TIA1: variants seen among roughly 807,000 people sequenced by gnomAD.
The protein encoded by TIA1 is cytotoxic granule associated RNA binding protein TIA1.
Under a neutral mutation model 65.9 loss-of-function variants are expected in TIA1, and 23 were observed. The observed-to-expected ratio is 0.35, with a 90% confidence interval of 0.25 to 0.49. TIA1 has a LOEUF of 0.49. Among genes scored for constraint, TIA1 ranks in the 20% least tolerant of loss-of-function variants. The pLI is 0.98. For missense variants in TIA1, 371 were observed against 477.9 expected (o/e 0.78, Z 2.09); for synonymous variants, 147 against 149.4 (o/e 0.98, Z 0.12).
rs145663932 is a variant in TIA1, at chr2:70,235,541, A to AGTGTGTGTGTGTGTGTGTGT, written c.123+518_123+537dup. Among the ~76,000 whole-genome samples the AGTGTGTGTGTGTGTGTGTGT allele has an allele frequency of 1.7e-3, 247 of 147,312 alleles. 2 individuals carry two copies. Among genetic ancestry groups the AGTGTGTGTGTGTGTGTGTGT allele is most frequent in the African/African-American group, 6.0e-3 (239 of 40,076 alleles). On this transcript the variant is annotated intron_variant, in intron 2 of 12. Transcript: ENST00000433529. Reference sequence around the variant, plus strand: ...AGGGTTAACACCAATTAGATGAATGAGTGTGTGTGTGTGTGTGTGTGTGTG... The same window carrying AGTGTGTGTGTGTGTGTGTGT: ...AGGGTTAACACCAATTAGATGAATGAGTGTGTGTGTGTGTGTGTGTGTGTGTGTGTGTGTGTGTGTGTGTG...
chr2:70,230,590 T>G (rs1685806288), intron 3 of TIA1, among the ~76,000 whole-genome samples, 166 bp downstream of exon 3: 1 of 149,630 alleles, frequency 6.7e-6, no homozygotes. Flanking sequence ...AGGCAGAGGT[T>G]GCAGTGAGCC....
intron 1 of TIA1, 85 bp downstream of exon 1, chr2:70,248,320 C>A: frequency 6.7e-7 from 1 of 1,482,726 alleles, no homozygotes; most frequent in Non-Finnish European, 9.1e-7. Flanking sequence ...CCACGGAGAA[C>A]AATAGGCTGG....
chr2:70,238,948 G>C (rs1690426476), intron 1 of TIA1, among the ~76,000 whole-genome samples: 1 of 152,070 alleles, frequency 6.6e-6, no homozygotes. Flanking sequence ...CCCATGGCAT[G>C]GTCCCAGCTA....
At chr2:70,232,761 C>T (rs766373957) in intron 2 of TIA1, among the ~76,000 whole-genome samples, 2 of 150,924 alleles carry the variant, frequency 1.3e-5, no homozygotes, top group South Asian at 2.1e-4. Context: ...CCCATCTACT[C>T]GGGAGGCTGA....
rs776233750 is a variant in TIA1 at position 70,211,418 on chromosome 2, A to AG, written c.*1300dup. 3.4e-4 allele frequency: 50 copies of AG among 148,428 alleles called. No homozygotes were observed. Among genetic ancestry groups the AG allele is most frequent in the African/African-American group, 1.1e-3 (46 of 40,588 alleles). The allele number at this position is 148,428 out of a possible 1,614,324, so 9.2% of individuals were successfully genotyped here. On this transcript the variant is annotated 3_prime_UTR_variant, in exon 13 of 13. Coordinates refer to ENST00000433529, the MANE Select transcript of TIA1 (RefSeq NM_022173.4). ...GGCTGTTTAAAGAGGTAGGATTTTA[A>AG]GGTTTTTTTTTTGTTTATCTTTTGG... is the stretch of plus-strand genomic sequence containing the variant.
intron 7 of TIA1, among the ~76,000 whole-genome samples, chr2:70,222,414 T>C (rs1681856735): frequency 6.6e-6 from 1 of 152,190 alleles, no homozygotes; most frequent in South Asian, 2.1e-4. Flanking sequence ...TCAGTTTTTT[T>C]CCAGGAACAT....
intron 1 of TIA1, among the ~76,000 whole-genome samples, chr2:70,244,076 C>G (rs974717193): frequency 3.3e-5 from 5 of 152,122 alleles, no homozygotes; most frequent in Non-Finnish European, 5.9e-5. Context: ...TCATTCTGAC[C>G]TCATTTCCTA....
chr2:70,243,885 C>G (rs1573838685), intron 1 of TIA1, among the ~76,000 whole-genome samples: 1 of 152,330 alleles, frequency 6.6e-6, no homozygotes, highest in East Asian at 1.9e-4. Flanking sequence ...ACTGCTTTCT[C>G]TGATACCTGG....
In TIA1 at chr2:70,248,571, A is replaced by G. The variant is rs1308303240; in HGVS notation, c.-141T>C. 2.3e-6 allele frequency: 3 copies of G among 1,286,278 alleles called. No individual in the cohort carries two copies. Among genetic ancestry groups the G allele is most frequent in the South Asian group, 2.5e-5 (2 of 80,188 alleles). The allele number at this position is 1,286,278 out of a possible 1,614,324, so 79.7% of individuals were successfully genotyped here. On this transcript the variant is annotated 5_prime_UTR_variant, in exon 1 of 13. Coordinates refer to ENST00000433529, the MANE Select transcript of TIA1 (RefSeq NM_022173.4). ...TACTCCGCCTCCTCCTCCGGCGGCA[A>G]TTACACTAAACCGCCCGGCCCAGCG...
intron 7 of TIA1, among the ~76,000 whole-genome samples, chr2:70,218,507 C>G (rs1413584188): frequency 1.3e-5 from 2 of 152,176 alleles, no homozygotes; most frequent in African/African-American, 4.8e-5. Flanking sequence ...TCTTGGCTCA[C>G]TGCAAGCTCC....
At chr2:70,222,483 C>T (rs1416873400) in intron 7 of TIA1, among the ~76,000 whole-genome samples, 1 of 152,090 alleles carries the variant, frequency 6.6e-6, no homozygotes, top group Non-Finnish European at 1.5e-5. Flanking sequence ...GTCTTCCTAG[C>T]ATGTAGAACA....
At chr2:70,235,541 A>AATGTGT (rs1553451642) in intron 2 of TIA1, among the ~76,000 whole-genome samples, 1 of 147,204 alleles carries the variant, frequency 6.8e-6, no homozygotes, top group Non-Finnish European at 1.5e-5. Context: ...TAGATGAATG[A>AATGTGT]GTGTGTGTGT....
At chr2:70,225,707 G>A (rs564548194) in intron 6 of TIA1, among the ~76,000 whole-genome samples, 2 of 152,262 alleles carry the variant, frequency 1.3e-5, no homozygotes, top group East Asian at 3.9e-4. Flanking sequence ...GGTGAAAAGG[G>A]AAAATTAATG....
intron 2 of TIA1, among the ~76,000 whole-genome samples, chr2:70,231,968 C>T (rs758627712): frequency 4.0e-5 from 6 of 151,794 alleles, no homozygotes; most frequent in Admixed American, 3.9e-4. Context: ...TTCGAGAGGC[C>T]GAGGCAGGCG....
intron 1 of TIA1, among the ~76,000 whole-genome samples, chr2:70,236,593 G>A (rs560081211): frequency 5.3e-5 from 8 of 151,580 alleles, no homozygotes; most frequent in South Asian, 2.1e-4. Context: ...CCTGAGTAAC[G>A]GACTAGAGGA....
chr2:70,237,127 G>C (rs761467231), intron 1 of TIA1, among the ~76,000 whole-genome samples: 70 of 152,222 alleles, frequency 4.6e-4, no homozygotes, highest in Non-Finnish European at 7.8e-4. Context: ...TATTAGCTAG[G>C]TGTGGTGGCT....
In TIA1 at chr2:70,210,867, T is replaced by C. The variant is rs1013109709; in HGVS notation, c.*1852A>G. The C allele has an allele frequency of 6.6e-6, 1 of 152,244 alleles. No homozygotes were observed. The highest frequency in any genetic ancestry group is 1.5e-5 in the Non-Finnish European group (1 of 68,038). The allele number at this position is 152,244 out of a possible 1,614,324, so 9.4% of individuals were successfully genotyped here. On this transcript the variant is annotated 3_prime_UTR_variant, in exon 13 of 13. Transcript: ENST00000433529. The stretch of plus-strand genomic sequence containing the variant: ...ATTTACTCATCTTCCATAAAGCGAC[T>C]TTTAATGTATCAACACTTAAAAATA...
At chr2:70,232,222 A>G (rs894509303) in intron 2 of TIA1, among the ~76,000 whole-genome samples, 12 of 147,188 alleles carry the variant, frequency 8.2e-5, no homozygotes, top group Non-Finnish European at 1.6e-4. Flanking sequence ...AAAAAAAAAA[A>G]AAAGAAAAAA....
chr2:70,233,634 C>T (rs144083312), intron 2 of TIA1, among the ~76,000 whole-genome samples: 3,512 of 152,048 alleles, frequency 0.023, 88 homozygotes, highest in South Asian at 0.093. Flanking sequence ...GGTGTGGTGG[C>T]GCATGCCTGT....
Sources: allele counts gnomAD v4.1 joint callset (sites outside exome capture counted in the v4.1 genomes callset), GRCh38; gene constraint gnomAD v4.1.1; transcripts MANE v1.5; gene names NCBI Gene and HGNC (gene_info 2026-07-23, HGNC 2026-07-21).